The following ENOX1 variants were observed in gnomAD, a reference collection of about 807,000 sequenced individuals.
ENOX1 encodes candidate growth-related and time keeping constitutive hydroquinone (NADH) oxidase.
In ENOX1, 42 loss-of-function variants were observed where a neutral mutation model predicts 82.5. The ratio of observed to expected loss-of-function variants is 0.51; its 90% CI spans 0.40 to 0.66. ENOX1 has a LOEUF of 0.66. Ranked by LOEUF, ENOX1 falls within the 30% of genes least tolerant of loss-of-function variation. The pLI is 0.00. For missense variants in ENOX1, 608 were observed against 811.6 expected (o/e 0.75, Z 3.05); for synonymous variants, 271 against 282.2 (o/e 0.96, Z 0.40).
chr13:43,724,713 G>C (rs954318151), intron 1 of ENOX1, among the ~76,000 whole-genome samples: 1 of 152,148 alleles, frequency 6.6e-6, no homozygotes, highest in Non-Finnish European at 1.5e-5. Flanking sequence ...AAAGAGTCTG[G>C]ATTTTTTTCC....
intron 16 of ENOX1, among the ~76,000 whole-genome samples, chr13:43,222,057 A>G (rs968267885): frequency 7.7e-4 from 117 of 152,186 alleles, no homozygotes; most frequent in African/African-American, 2.8e-3. Context: ...ATGGAGAGCT[A>G]TCTGGGAGTA....
intron 3 of ENOX1, among the ~76,000 whole-genome samples, chr13:43,444,751 G>A (rs1278235722): frequency 6.6e-6 from 1 of 152,220 alleles, no homozygotes; most frequent in Non-Finnish European, 1.5e-5. Flanking sequence ...CTTTCTTTGA[G>A]TTCTACATAC....
intron 12 of ENOX1, among the ~76,000 whole-genome samples, chr13:43,296,927 T>C (rs6561113): frequency 0.95 from 145,096 of 152,240 alleles, 69,567 homozygotes; most frequent in East Asian, 1. Context: ...TTGGCGAGGG[T>C]GCCAACAAAC....
At chr13:43,442,917 A>T (rs553174954) in intron 3 of ENOX1, among the ~76,000 whole-genome samples, 1 of 152,238 alleles carries the variant, frequency 6.6e-6, no homozygotes, top group Non-Finnish European at 1.5e-5. Context: ...TCTGTTGTAT[A>T]AATTAAAAAT....
intron 9 of ENOX1, among the ~76,000 whole-genome samples, chr13:43,331,513 G>A (rs1593980718): frequency 6.6e-6 from 1 of 151,990 alleles, no homozygotes; most frequent in East Asian, 1.9e-4. Context: ...TTTTTTTAAG[G>A]GATAACATTT....
chr13:43,553,946 G>A (rs1290515883), intron 2 of ENOX1, among the ~76,000 whole-genome samples: 1 of 152,060 alleles, frequency 6.6e-6, no homozygotes, highest in African/African-American at 2.4e-5. Context: ...ACGGGATTTT[G>A]CCATGTTAGT....
chr13:43,470,663 T>C (rs2153647028), intron 3 of ENOX1, among the ~76,000 whole-genome samples: 1 of 151,764 alleles, frequency 6.6e-6, no homozygotes, highest in African/African-American at 2.4e-5. Flanking sequence ...AGAACTTCTA[T>C]ACTTCAATAA....
intron 8 of ENOX1, among the ~76,000 whole-genome samples, chr13:43,351,367 T>G (rs1225565980): frequency 1.3e-5 from 2 of 152,166 alleles, no homozygotes; most frequent in Non-Finnish European, 2.9e-5. Flanking sequence ...TGATTATTCC[T>G]GCTTTAGGGT....
intron 2 of ENOX1, among the ~76,000 whole-genome samples, chr13:43,600,971 G>A (rs1191426066): frequency 4.6e-5 from 7 of 152,220 alleles, no homozygotes; most frequent in African/African-American, 1.7e-4. Flanking sequence ...CTTGGGCTTG[G>A]GTTACCCTCT....
intron 2 of ENOX1, among the ~76,000 whole-genome samples, chr13:43,527,480 G>C (rs2153686177): frequency 6.6e-6 from 1 of 152,190 alleles, no homozygotes; most frequent in African/African-American, 2.4e-5. Context: ...GCTACTTAGG[G>C]AAAGGAGAAC....
chr13:43,471,834 G>T (rs200326862), intron 3 of ENOX1, among the ~76,000 whole-genome samples: 1 of 145,938 alleles, frequency 6.9e-6, no homozygotes, highest in Non-Finnish European at 1.5e-5. Flanking sequence ...AAAAAAGAAA[G>T]AAAGAAATGT....
In ENOX1 at chr13:43,247,883, A is replaced by AT. The variant is rs869265102; in HGVS notation, c.1612-11146dup. 1.6e-3 allele frequency among the ~76,000 whole-genome samples: 23 copies of AT among 14,650 alleles called. 2 individuals are homozygous for AT. The highest frequency in any genetic ancestry group is 2.2e-3 in the Non-Finnish European group (12 of 5,422). 9.6% of individuals were successfully genotyped at this position (14,650 alleles called of 152,430 possible). A position where few individuals can be genotyped will look rare whatever the true frequency, so the allele number is the denominator to read the frequency against. On this transcript the variant is annotated intron_variant, in intron 14 of 16. Transcript: ENST00000690772. ...TATATATATATATATATATATATAT[A>AT]TTTTTTTTTTTTTTTTTTTTGAGAC...
intron 14 of ENOX1, among the ~76,000 whole-genome samples, chr13:43,247,883 AT>A (rs869265102): frequency 9.6e-4 from 14 of 14,644 alleles, no homozygotes; most frequent in Admixed American, 1.4e-3. Context: ...ATATATATAT[AT>A]TTTTTTTTTT....
At chr13:43,233,509 A>G (rs1340092067) in intron 15 of ENOX1, among the ~76,000 whole-genome samples, 4 of 152,256 alleles carry the variant, frequency 2.6e-5, no homozygotes, top group Non-Finnish European at 1.5e-5. Flanking sequence ...GTCTGGGCAG[A>G]ATACACCCTT....
At chr13:43,631,980 C>A (rs577230179) in intron 2 of ENOX1, among the ~76,000 whole-genome samples, 1 of 152,338 alleles carries the variant, frequency 6.6e-6, no homozygotes, top group East Asian at 1.9e-4. Context: ...AAGAAGCATT[C>A]ATCTGTCACC....
intron 1 of ENOX1, among the ~76,000 whole-genome samples, chr13:43,734,495 T>C (rs1032594191): frequency 5.3e-5 from 8 of 152,206 alleles, no homozygotes; most frequent in Non-Finnish European, 5.9e-5. Context: ...CCTGAAAGTA[T>C]CTTTGAAAAC....
chr13:43,222,798 T>C (rs1475304561), intron 16 of ENOX1, among the ~76,000 whole-genome samples: 2 of 152,170 alleles, frequency 1.3e-5, no homozygotes, highest in East Asian at 1.9e-4. Context: ...CAAAGGAACA[T>C]TGTGCAGCAA....
At chr13:43,541,316 C>T (rs2078717351) in intron 2 of ENOX1, among the ~76,000 whole-genome samples, 1 of 151,240 alleles carries the variant, frequency 6.6e-6, no homozygotes, top group Non-Finnish European at 1.5e-5. Flanking sequence ...CTGGGCAAGA[C>T]AGTGAGACCT....
At chr13:43,257,613 C>T (rs1293543946) in intron 14 of ENOX1, among the ~76,000 whole-genome samples, 1 of 152,082 alleles carries the variant, frequency 6.6e-6, no homozygotes, top group Non-Finnish European at 1.5e-5. Flanking sequence ...GGTGAGATGG[C>T]AAATGGTTAT....
Sources: allele counts gnomAD v4.1 joint callset (sites outside exome capture counted in the v4.1 genomes callset), GRCh38; gene constraint gnomAD v4.1.1; transcripts MANE v1.5; gene names NCBI Gene and HGNC (gene_info 2026-07-23, HGNC 2026-07-21).